The following ELP4 variants were observed in gnomAD, a reference collection of about 807,000 sequenced individuals.
ELP4 encodes elongator acetyltransferase complex subunit 4.
In ELP4, 51 loss-of-function variants were observed where a neutral mutation model predicts 48.9. That is an observed-to-expected ratio of 1.04 (90% CI 0.83 to 1.32). The LOEUF (loss-of-function observed/expected upper bound fraction) is 1.32, where lower values mean the gene tolerates loss of function less well. Among genes scored for constraint, ELP4 ranks in the 40% most tolerant of loss-of-function variants. The pLI is 0.00. For missense variants in ELP4, 519 were observed against 514.6 expected (o/e 1.01, Z -0.08); for synonymous variants, 210 against 189.2 (o/e 1.11, Z -0.90).
At chr11:31,545,508 T>TG (rs1956687384) in intron 3 of ELP4, among the ~76,000 whole-genome samples, 1 of 151,494 alleles carries the variant, frequency 6.6e-6, no homozygotes, top group South Asian at 2.1e-4. Context: ...CTACGTCTGA[T>TG]TGGTGTACCT....
chr11:31,569,362 T>C (rs939424285), intron 3 of ELP4, among the ~76,000 whole-genome samples: 1 of 152,178 alleles, frequency 6.6e-6, no homozygotes, highest in Non-Finnish European at 1.5e-5. Flanking sequence ...GACACAGGCC[T>C]AATACCCAGA....
chr11:31,636,440 G>T (rs1471655279), intron 7 of ELP4, among the ~76,000 whole-genome samples: 1 of 151,836 alleles, frequency 6.6e-6, no homozygotes, highest in East Asian at 1.9e-4. Context: ...TGTTAAACCA[G>T]CCAATCGGTG....
At chr11:31,642,465 G>GT (rs1045792930) in intron 7 of ELP4, among the ~76,000 whole-genome samples, 3 of 151,684 alleles carry the variant, frequency 2.0e-5, no homozygotes, top group African/African-American at 7.3e-5. Context: ...TATCTTAGCA[G>GT]TTTTTTTCAC....
intron 3 of ELP4, among the ~76,000 whole-genome samples, chr11:31,577,747 G>A (rs1379391619): frequency 6.6e-6 from 1 of 152,038 alleles, no homozygotes; most frequent in Non-Finnish European, 1.5e-5. Context: ...TTCAACAGCT[G>A]TTCATGCTAA....
At chr11:31,553,438 C>G (rs115180642) in intron 3 of ELP4, among the ~76,000 whole-genome samples, 2 of 152,000 alleles carry the variant, frequency 1.3e-5, no homozygotes, top group African/African-American at 2.4e-5. Context: ...CTGACCATCC[C>G]GAGTCAGAGA....
chr11:31,724,946 A>G (rs1947044454), intron 9 of ELP4, among the ~76,000 whole-genome samples: 2 of 152,192 alleles, frequency 1.3e-5, no homozygotes, highest in African/African-American at 2.4e-5. Flanking sequence ...GAGGATCCTC[A>G]CTATTTGAGA....
intron 9 of ELP4, among the ~76,000 whole-genome samples, chr11:31,693,494 CT>C (rs1946326498): frequency 6.6e-6 from 1 of 151,992 alleles, no homozygotes; most frequent in Admixed American, 6.6e-5. Flanking sequence ...TGAACTCATC[CT>C]TTTTTATGGC....
chr11:31,746,620 T>C (rs1179202455), intron 9 of ELP4, among the ~76,000 whole-genome samples: 1 of 152,068 alleles, frequency 6.6e-6, no homozygotes, highest in African/African-American at 2.4e-5. Context: ...CCATCATTCT[T>C]GGCAAACTAT....
At chr11:31,734,435 G>A (rs144767066) in intron 9 of ELP4, among the ~76,000 whole-genome samples, 1 of 152,150 alleles carries the variant, frequency 6.6e-6, no homozygotes, top group Admixed American at 6.6e-5. Flanking sequence ...GTCTGTTTAA[G>A]ATGACATCTT....
intron 9 of ELP4, among the ~76,000 whole-genome samples, chr11:31,777,895 T>C (rs956767687): frequency 6.6e-6 from 1 of 152,216 alleles, no homozygotes; most frequent in Non-Finnish European, 1.5e-5. Context: ...CTACTTAGCC[T>C]GTACTCTAGT....
At chr11:31,711,661 G>C (rs920540599) in intron 9 of ELP4, among the ~76,000 whole-genome samples, 1 of 152,092 alleles carries the variant, frequency 6.6e-6, no homozygotes, top group South Asian at 2.1e-4. Flanking sequence ...AGATAAATAT[G>C]TACCTCTGCA....
At chr11:31,713,826 T>C (rs1467093067) in intron 9 of ELP4, among the ~76,000 whole-genome samples, 1 of 152,142 alleles carries the variant, frequency 6.6e-6, no homozygotes, top group Non-Finnish European at 1.5e-5. Flanking sequence ...TGTGGACCTA[T>C]CAACCTTCTT....
chr11:31,554,964 C>T (rs1370030397), intron 3 of ELP4, among the ~76,000 whole-genome samples: 9 of 152,114 alleles, frequency 5.9e-5, no homozygotes, highest in African/African-American at 1.9e-4. Context: ...AATGTGTGAT[C>T]TTTAGGAAAA....
At chr11:31,738,581 CAA>C (rs1171512405) in intron 9 of ELP4, among the ~76,000 whole-genome samples, 1 of 151,752 alleles carries the variant, frequency 6.6e-6, no homozygotes, top group African/African-American at 2.4e-5. Flanking sequence ...ACAAAAAATA[CAA>C]AAGTTTGCCG....
chr11:31,763,383 C>G, intron 9 of ELP4: 1 of 1,560,326 alleles, frequency 6.4e-7, no homozygotes, highest in Non-Finnish European at 8.7e-7. Flanking sequence ...TGTTGACTAA[C>G]AAGTTGTGTC....
rs1371444201 is a variant in ELP4, at chr11:31,594,921, C to A, written c.513+20C>A. On this transcript the variant is annotated intron_variant, in intron 4 of 9. Transcript: ENST00000640961. ...ATGGAGGCAAGTAAACATACAAATT[C>A]TTTCCAAAATTTGCAAATGCATTTG... is the stretch of plus-strand genomic sequence containing the variant. 6.5e-7 allele frequency: 1 copy of A among 1,540,358 alleles called. No homozygotes were observed. Among genetic ancestry groups the A allele is most frequent in the Non-Finnish European group, 8.7e-7 (1 of 1,154,136 alleles).
chr11:31,594,977 C>T, intron 4 of ELP4, 76 bp downstream of exon 4: 1 of 1,184,562 alleles, frequency 8.4e-7, no homozygotes, highest in Non-Finnish European at 1.2e-6. Flanking sequence ...TTGTGGTATG[C>T]CTATATGTGT....
Position 31,661,763 on chromosome 11 carries a change from G to A in ELP4, c.1143+11542G>A, listed in dbSNP as rs577550029. Among the ~76,000 whole-genome samples, 39 of 152,042 alleles carry A rather than the reference G, an allele frequency of 2.6e-4. No homozygotes were observed. In the South Asian group the frequency reaches 5.4e-3, roughly 21 times the overall value. On this transcript the variant is annotated intron_variant, in intron 9 of 9. Transcript: ENST00000640961. ...GCTTAATATATTTCTAAGGTTTTAC[G>A]TAAGTAAAACAACCTTCAAAAAATA...
chr11:31,555,488 G>T (rs1421905186), intron 3 of ELP4, among the ~76,000 whole-genome samples: 1 of 151,276 alleles, frequency 6.6e-6, no homozygotes, highest in Non-Finnish European at 1.5e-5. Flanking sequence ...TTGATTTTTT[G>T]GTACACTTAC....
Sources: gnomAD v4.1 joint callset for allele counts (sites outside exome capture counted in the v4.1 genomes callset) on GRCh38, gnomAD v4.1.1 for gene constraint, MANE v1.5 for transcripts, NCBI Gene and HGNC (gene_info 2026-07-23, HGNC 2026-07-21) for gene names.